Variants in PKD1L3 observed in about 807,000 individuals in gnomAD.
PKD1L3 encodes polycystin 1 like 3, transient receptor potential channel interacting.
In PKD1L3, 239 loss-of-function variants were observed where a neutral mutation model predicts 184.1. That is an observed-to-expected ratio of 1.30 (90% confidence interval 1.17 to 1.45). The LOEUF (loss-of-function observed/expected upper bound fraction) is 1.45, where lower values mean the gene tolerates loss of function less well. Ranked by LOEUF, PKD1L3 falls within the 40% of genes most tolerant of loss-of-function variation. The pLI, the probability that PKD1L3 is intolerant of heterozygous loss-of-function variation, is 0.00. For missense variants in PKD1L3, 2,660 were observed against 2,067.2 expected (o/e 1.29, Z -5.56); for synonymous variants, 996 against 778.8 (o/e 1.28, Z -4.64).
At chr16:71,952,117 A>G (rs756611851) in intron 18 of PKD1L3, among the ~76,000 whole-genome samples, 10 of 151,104 alleles carry the variant, frequency 6.6e-5, no homozygotes, top group Non-Finnish European at 1.0e-4. Context: ...AATATATTAC[A>G]GGTAACAGGA....
At chr16:71,985,014 T>G (rs1400629409) in intron 5 of PKD1L3, among the ~76,000 whole-genome samples, 1 of 152,104 alleles carries the variant, frequency 6.6e-6, no homozygotes, top group African/African-American at 2.4e-5. Context: ...AGTCCAACCC[T>G]GAGACAATCA....
At chr16:71,935,249 T>C (rs2038133365) in intron 26 of PKD1L3, 109 bp downstream of exon 26, 3 of 1,195,492 alleles carry the variant, frequency 2.5e-6, no homozygotes, top group African/African-American at 1.5e-5. Context: ...TTAACTCTAA[T>C]GTTATGCAAA....
At chr16:71,965,829 C>T (rs1366281510) in intron 15 of PKD1L3, among the ~76,000 whole-genome samples, 1 of 152,142 alleles carries the variant, frequency 6.6e-6, no homozygotes, top group Non-Finnish European at 1.5e-5. Context: ...GCTGGGATTA[C>T]AGGCGTGAGC....
chr16:71,939,044 G>A (rs1383570773), intron 24 of PKD1L3, among the ~76,000 whole-genome samples: 1 of 152,234 alleles, frequency 6.6e-6, no homozygotes, highest in African/African-American at 2.4e-5. Context: ...CCAGGGCTGT[G>A]ACACCCTCTT....
At chr16:71,933,293 A>C in intron 28 of PKD1L3, 127 bp downstream of exon 28, 1 of 711,550 alleles carries the variant, frequency 1.4e-6, no homozygotes, top group South Asian at 1.7e-5. Flanking sequence ...GCAGTAGAGC[A>C]AAGGACTGAA....
At chr16:71,974,619 G>A (rs2039849334) in intron 11 of PKD1L3, among the ~76,000 whole-genome samples, 1 of 152,214 alleles carries the variant, frequency 6.6e-6, no homozygotes, top group Non-Finnish European at 1.5e-5. Context: ...AGGAGGCGGA[G>A]GCTACAGTGA....
chr16:71,971,715 T>A (rs563374109), intron 12 of PKD1L3, among the ~76,000 whole-genome samples: 5 of 152,186 alleles, frequency 3.3e-5, no homozygotes, highest in Non-Finnish European at 7.3e-5. Flanking sequence ...GAATCTACAT[T>A]TTAACAAACT....
chr16:71,958,154 G>A, intron 16 of PKD1L3, among the ~76,000 whole-genome samples: 1 of 151,938 alleles, frequency 6.6e-6, no homozygotes, highest in East Asian at 1.9e-4. Context: ...TTGGGAGGCC[G>A]AGGCGGGCGG....
At chr16:71,943,617 T>C (rs2038447635) in intron 23 of PKD1L3, among the ~76,000 whole-genome samples, 1 of 151,694 alleles carries the variant, frequency 6.6e-6, no homozygotes, top group African/African-American at 2.4e-5. Context: ...ATGCACTCTG[T>C]CTCTCATGTG....
chr16:71,984,002 C>G (rs779631963), intron 6 of PKD1L3, 34 bp downstream of exon 6: 1 of 1,549,336 alleles, frequency 6.5e-7, no homozygotes, highest in African/African-American at 1.4e-5. Flanking sequence ...TCCCTCTCTC[C>G]TACCTTCTTC....
chr16:71,976,264 C>CTTTTTTTATTTTTT, intron 11 of PKD1L3, among the ~76,000 whole-genome samples: 1 of 81,770 alleles, frequency 1.2e-5, no homozygotes, highest in Non-Finnish European at 2.3e-5. Context: ...CCCAGCCTGT[C>CTTTTTTTATTTTTT]TTTTTTTTTT....
intron 2 of PKD1L3, among the ~76,000 whole-genome samples, chr16:71,995,446 C>T: frequency 6.6e-6 from 1 of 152,188 alleles, no homozygotes; most frequent in East Asian, 1.9e-4. Context: ...GCCCTATTTT[C>T]TCTCTCCCTC....
intron 16 of PKD1L3, among the ~76,000 whole-genome samples, chr16:71,955,443 AC>A (rs2039007116): frequency 6.6e-6 from 1 of 152,110 alleles, no homozygotes; most frequent in Admixed American, 6.5e-5. Flanking sequence ...TAAAAAACAA[AC>A]AAAAAAAGGG....
chr16:71,936,928 C>G (rs929077285), intron 25 of PKD1L3, among the ~76,000 whole-genome samples: 2 of 152,198 alleles, frequency 1.3e-5, no homozygotes, highest in Non-Finnish European at 2.9e-5. Flanking sequence ...GAAAACCAGT[C>G]AGCCTTTAAC....
Position 71,983,914 on chromosome 16 carries a change from C to T in PKD1L3, c.966+122G>A, listed in dbSNP as rs181750052. ...CTGGCCTCATGTGATCCGCCCGCCTCGGCCTTCTAAAGTGCTGGGATTACA... is the reference window on the plus strand; with the variant it reads ...CTGGCCTCATGTGATCCGCCCGCCTTGGCCTTCTAAAGTGCTGGGATTACA... On this transcript the variant is annotated intron_variant, in intron 6 of 29. Transcript: ENST00000620267. 2.5e-4 allele frequency: 332 copies of T among 1,321,768 alleles called. No individual in the cohort carries two copies. The African/African-American group carries it at 3.2e-3, about 13-fold the overall frequency. 81.9% of individuals were successfully genotyped at this position (1,321,768 alleles called of 1,614,324 possible). A position where few individuals can be genotyped will look rare whatever the true frequency, so the allele number is the denominator to read the frequency against.
At position 71,982,138 on chromosome 16, in the gene PKD1L3, A is replaced by G; in HGVS notation, c.1064T>C (p.Val355Ala). ...ATTGTTGAGGGAATGAAAGGGGCAG[A>G]CAGTTGGAGGAACTTTGAAGCCCAG... Reference protein sequence around the residue: ...NSLGFKVPPTVCPFHSLNNVT... With the variant: ...NSLGFKVPPTACPFHSLNNVT... The change falls in exon 7 of 30, where the codon GTC becomes GCC. Residue 355 changes from valine (V) to alanine (A), a missense_variant. Transcript: ENST00000620267. The G allele has an allele frequency of 1.3e-6, 2 of 1,552,142 alleles. No individual in the cohort carries two copies. The highest frequency in any genetic ancestry group is 1.2e-5 in the South Asian group (1 of 84,042).
chr16:71,992,701 G>A (rs543116209), intron 3 of PKD1L3, among the ~76,000 whole-genome samples: 32 of 152,096 alleles, frequency 2.1e-4, no homozygotes, highest in Non-Finnish European at 1.2e-4. Context: ...ATATTTAAAG[G>A]GTTTGTTGAT....
At chr16:71,983,169 C>A (rs1242952496) in intron 6 of PKD1L3, among the ~76,000 whole-genome samples, 1 of 152,034 alleles carries the variant, frequency 6.6e-6, no homozygotes, top group East Asian at 1.9e-4. Context: ...TAATTTCAGA[C>A]AGAGTGTGGC....
intron 24 of PKD1L3, among the ~76,000 whole-genome samples, chr16:71,939,355 G>T (rs1383964892): frequency 6.6e-6 from 1 of 152,184 alleles, no homozygotes; most frequent in Non-Finnish European, 1.5e-5. Flanking sequence ...AGGCTACCAG[G>T]CCAATTCGGC....
Sources: allele counts gnomAD v4.1 joint callset (sites outside exome capture counted in the v4.1 genomes callset), GRCh38; gene constraint gnomAD v4.1.1; transcripts MANE v1.5; gene names NCBI Gene and HGNC (gene_info 2026-07-23, HGNC 2026-07-21).